Variants in LAMB4 observed in about 807,000 individuals in gnomAD.
LAMB4 encodes laminin subunit beta-4.
In LAMB4, 196 loss-of-function variants were observed where a neutral mutation model predicts 199.2. That is an observed-to-expected ratio of 0.98 (90% confidence interval 0.88 to 1.11). The LOEUF (loss-of-function observed/expected upper bound fraction) is 1.11. Ranked by LOEUF, LAMB4 falls within the 50% of genes least tolerant of loss-of-function variation. LAMB4 has a pLI of 0.00. For synonymous variants in LAMB4, 744 were observed against 770.6 expected, an observed-to-expected ratio of 0.97 and a Z score of 0.57; for missense variants, 2,080 against 2,171.2, an observed-to-expected ratio of 0.96 and a Z score of 0.83.
intron 23 of LAMB4, among the ~76,000 whole-genome samples, chr7:108,060,760 A>C (rs1004211037): frequency 6.6e-6 from 1 of 152,198 alleles, no homozygotes; most frequent in Non-Finnish European, 1.5e-5. Flanking sequence ...GATATAAATA[A>C]ATGGTCGAAT....
intron 2 of LAMB4, 39 bp from the exon 3 acceptor site, chr7:108,116,200 T>C (rs1287782704): frequency 1.3e-6 from 2 of 1,593,514 alleles, no homozygotes; most frequent in South Asian, 2.2e-5. Context: ...GAAGGCAGTC[T>C]AAGGACAGCA....
intron 1 of LAMB4, among the ~76,000 whole-genome samples, chr7:108,123,903 A>C (rs920557139): frequency 1.3e-5 from 2 of 152,200 alleles, no homozygotes; most frequent in African/African-American, 4.8e-5. Flanking sequence ...GGCCCTTGAG[A>C]GAGAGGCTTC....
At chr7:108,045,377 C>A (rs557568044) in intron 28 of LAMB4, among the ~76,000 whole-genome samples, 13 of 152,296 alleles carry the variant, frequency 8.5e-5, no homozygotes, top group African/African-American at 3.1e-4. Flanking sequence ...ACAACTGACT[C>A]CTGAGAATTC....
intron 19 of LAMB4, 60 bp downstream of exon 19, chr7:108,067,956 C>G (rs2036399012): frequency 6.2e-7 from 1 of 1,607,378 alleles, no homozygotes; most frequent in African/African-American, 1.3e-5. Flanking sequence ...ATGACTTTGC[C>G]TGCTGTCAAA....
chr7:108,072,148 T>A lies in LAMB4; in HGVS notation c.2125-2263A>T, dbSNP rs187466904. 2.6e-5 allele frequency among the ~76,000 whole-genome samples: 4 copies of A among 152,322 alleles called. No individual in the cohort carries two copies. The East Asian group carries it at 7.7e-4, about 29-fold the overall frequency. On this transcript the variant is annotated intron_variant, in intron 17 of 33. Transcript: ENST00000388781. ...CTCACAAAATGGCCCTTATAGCTTT[T>A]GAAAGTTCCATTGGATATTCATGAA...
intron 14 of LAMB4, among the ~76,000 whole-genome samples, chr7:108,090,611 T>C (rs2037362038): frequency 1.3e-5 from 2 of 152,162 alleles, no homozygotes; most frequent in Non-Finnish European, 1.5e-5. Context: ...AGGATAAACA[T>C]TTGTTCAGTA....
At chr7:108,057,602 G>A (rs565954822) in intron 24 of LAMB4, among the ~76,000 whole-genome samples, 1 of 152,196 alleles carries the variant, frequency 6.6e-6, no homozygotes, top group African/African-American at 2.4e-5. Context: ...TTTTAAGACA[G>A]GCTACGAATT....
At chr7:108,073,613 T>C (rs1458385988) in intron 17 of LAMB4, among the ~76,000 whole-genome samples, 2 of 152,218 alleles carry the variant, frequency 1.3e-5, no homozygotes, top group Non-Finnish European at 2.9e-5. Context: ...TGGTATCAGA[T>C]GCAAATGTTA....
In LAMB4 at chr7:108,105,952, T is replaced by G; in HGVS notation, c.735A>C (p.Gln245His). 6.2e-7 allele frequency: 1 copy of G among 1,614,224 alleles called. No individual in the cohort carries two copies. Among genetic ancestry groups the G allele is most frequent in the Non-Finnish European group, 8.5e-7 (1 of 1,180,030 alleles). Residue 245 changes from glutamine (Q) to histidine (H), a missense_variant, in exon 8 of 34, where the codon CAA (glutamine) becomes CAC (histidine). Gln to His is a conservative substitution (Grantham distance 24). Coordinates refer to ENST00000388781, the MANE Select transcript of LAMB4 (RefSeq NM_007356.3). ...TLGDALLGRR[Q>H]NDSLDKYYYA... ...AGTAGTATTTATCAAGGGAATCATT[T>G]TGCCTCCTTCCAAGCAAAGCATCCC...
chr7:108,057,992 A>G (rs973985707), intron 23 of LAMB4, 64 bp from the exon 24 acceptor site: 8 of 1,103,686 alleles, frequency 7.2e-6, no homozygotes, highest in African/African-American at 6.2e-5. Context: ...ATGCATTTTA[A>G]TAGGAAATAT....
intron 28 of LAMB4, among the ~76,000 whole-genome samples, chr7:108,044,882 G>A (rs1174622039): frequency 2.0e-5 from 3 of 150,370 alleles, no homozygotes; most frequent in African/African-American, 7.4e-5. Context: ...GAATCCAGGA[G>A]GCGGAGGTTG....
Position 108,062,953 on chromosome 7 carries a change from G to C in LAMB4, c.3103C>G (p.Pro1035Ala). 1 of 1,604,428 alleles carries C rather than the reference G, an allele frequency of 6.2e-7. No individual in the cohort carries two copies. Among genetic ancestry groups the C allele is most frequent in the South Asian group, 1.1e-5 (1 of 89,256 alleles). Residue 1035 changes from proline to alanine, a missense_variant, in exon 23 of 34, where the codon CCC becomes GCC. Pro to Ala is a conservative substitution (Grantham distance 27). Transcript: ENST00000388781. ...CAGAGGCAAGCTCCCCCACCAGGGGGACACTCCATGGGACTCACGCCGGAA... is the reference window on the plus strand; with the variant it reads ...CAGAGGCAAGCTCCCCCACCAGGGGCACACTCCATGGGACTCACGCCGGAA... ...HASGVSPMECPPGGGACLCDP... is the reference protein window; with the variant it reads ...HASGVSPMECAPGGGACLCDP...
At chr7:108,127,619 C>T (rs1415041695) in intron 1 of LAMB4, among the ~76,000 whole-genome samples, 1 of 152,152 alleles carries the variant, frequency 6.6e-6, no homozygotes, top group Non-Finnish European at 1.5e-5. Flanking sequence ...GCATCAACAT[C>T]ATGTGGAAAT....
At chr7:108,079,417 T>C (rs1175288585) in intron 15 of LAMB4, among the ~76,000 whole-genome samples, 184 bp downstream of exon 15, 2 of 152,254 alleles carry the variant, frequency 1.3e-5, no homozygotes, top group African/African-American at 4.8e-5. Flanking sequence ...ACAGCATGCA[T>C]GCATATGGCT....
rs995946502 is a variant in LAMB4, at chr7:108,057,869, C to A, written c.3342G>T (p.Gln1114His). The change falls in exon 24 of 34, where the codon CAG becomes CAT. Residue 1114 changes from glutamine to histidine, a missense_variant. Physicochemically the swap from Gln to His is conservative, Grantham distance 24 (BLOSUM62 0). Transcript: ENST00000388781. ...GYGGKRCSEC[Q>H]ENYYGDPPGR... ...CAGGTGGATCACCATAATAATTTTCCTGGCACTCACTGCAACGTTTCCCGC... is the reference window on the plus strand; with the variant it reads ...CAGGTGGATCACCATAATAATTTTCATGGCACTCACTGCAACGTTTCCCGC... 2.5e-6 allele frequency: 4 copies of A among 1,613,590 alleles called. No homozygotes were observed. Among genetic ancestry groups the A allele is most frequent in the Non-Finnish European group, 3.4e-6 (4 of 1,179,686 alleles).
At chr7:108,013,433 G>T in the LAMB4 span, among the ~76,000 whole-genome samples, 1 of 152,174 alleles carries the variant, frequency 6.6e-6, no homozygotes, top group Non-Finnish European at 1.5e-5. Flanking sequence ...TGGGCGGTTT[G>T]CTATGATTTA....
At chr7:108,112,940 C>T (rs1293963681) in intron 3 of LAMB4, among the ~76,000 whole-genome samples, 1 of 152,232 alleles carries the variant, frequency 6.6e-6, no homozygotes, top group Non-Finnish European at 1.5e-5. Flanking sequence ...ACCTCTTTGC[C>T]TTTATGTCTA....
chr7:108,107,939 GTTTGT>G (rs1208351171), intron 5 of LAMB4, 120 bp from the exon 6 acceptor site: 14 of 747,080 alleles, frequency 1.9e-5, no homozygotes, highest in Admixed American at 6.8e-5. Flanking sequence ...TCTTTTTGTT[GTTTGT>G]TTTGTTTTGT....
In LAMB4 at chr7:108,055,656, A is replaced by C. The variant is rs147992634; in HGVS notation, c.3731T>G (p.Val1244Gly). Reference sequence around the variant, plus strand: ...CCTAACAGAGTCATGATAATCCTTGACTTTTAAGAATTTCCCAGATGGGAA... The same window carrying C: ...CCTAACAGAGTCATGATAATCCTTGCCTTTTAAGAATTTCCCAGATGGGAA... The part of the protein sequence containing the change: ...PVFPSGKFLK[V>G]KDYHDSVRRQ... The change falls in exon 25 of 34, where the codon GTC becomes GGC. Residue 1244 changes from valine (V) to glycine (G), a missense_variant. Physicochemically the swap from Val to Gly is moderately radical, Grantham distance 109. Coordinates refer to ENST00000388781, the MANE Select transcript of LAMB4 (RefSeq NM_007356.3). 4,222 of 1,613,776 alleles carry C rather than the reference A, an allele frequency of 2.6e-3. 181 individuals are homozygous for C. The Admixed American group carries it at 0.064, about 25-fold the overall frequency.
Sources: gnomAD v4.1 joint callset for allele counts (sites outside exome capture counted in the v4.1 genomes callset) on GRCh38, gnomAD v4.1.1 for gene constraint, MANE v1.5 for transcripts, NCBI Gene and HGNC (gene_info 2026-07-23, HGNC 2026-07-21) for gene names.